Variants in P4HA1 observed in about 807,000 individuals in gnomAD.
P4HA1 encodes the protein prolyl 4-hydroxylase subunit alpha 1.
Under a neutral mutation model 72.8 loss-of-function variants are expected in P4HA1, and 24 were observed. That is an observed-to-expected ratio of 0.33 (90% CI 0.24 to 0.46). The LOEUF (loss-of-function observed/expected upper bound fraction) is 0.46, where lower values mean the gene tolerates loss of function less well. Ranked by LOEUF, P4HA1 falls within the 20% of genes least tolerant of loss-of-function variation. P4HA1 has a pLI of 1.00. For missense variants in P4HA1, 446 were observed against 640.6 expected (o/e 0.70, Z 3.28); for synonymous variants, 201 against 218.8 (o/e 0.92, Z 0.72).
chr10:73,070,953 G>A (rs1013375769), intron 4 of P4HA1, among the ~76,000 whole-genome samples: 2 of 152,056 alleles, frequency 1.3e-5, no homozygotes, highest in African/African-American at 4.8e-5. Context: ...AGGCTGAGGT[G>A]GAAGGATCAC....
Position 73,010,257 on chromosome 10 carries a change from C to T in P4HA1, c.1438-354G>A, listed in dbSNP as rs192682290. Among the ~76,000 whole-genome samples, 380 of 152,216 alleles carry T rather than the reference C, an allele frequency of 2.5e-3. 1 individual carries two copies. Among genetic ancestry groups the T allele is most frequent in the African/African-American group, 8.7e-3 (361 of 41,538 alleles). ...TGCTGGGATTACAGACGTGAGCCAC[C>T]GTGCCCGGCCGTTTTCAGCAGTAAT... is the stretch of plus-strand genomic sequence containing the variant. On this transcript the variant is annotated intron_variant, in intron 13 of 14. Coordinates refer to ENST00000394890, the MANE Select transcript of P4HA1 (RefSeq NM_001017962.3).
intron 5 of P4HA1, among the ~76,000 whole-genome samples, chr10:73,066,569 G>A (rs1841428063): frequency 6.6e-6 from 1 of 152,136 alleles, no homozygotes; most frequent in Non-Finnish European, 1.5e-5. Context: ...CCAGGTTGGA[G>A]TGTAGTGGCG....
At chr10:73,017,491 A>C (rs1013262386) in intron 10 of P4HA1, among the ~76,000 whole-genome samples, 1 of 152,068 alleles carries the variant, frequency 6.6e-6, no homozygotes, top group Non-Finnish European at 1.5e-5. Context: ...AATTTTTAAA[A>C]ATTTAATACA....
intron 6 of P4HA1, 56 bp from the exon 7 acceptor site, chr10:73,051,305 C>G: frequency 1.1e-6 from 1 of 913,890 alleles, no homozygotes; most frequent in Non-Finnish European, 1.7e-6. Flanking sequence ...GTTCAAGCAT[C>G]AGAATATAGT....
chr10:73,029,438 T>A (rs1464699357), intron 10 of P4HA1, among the ~76,000 whole-genome samples: 17 of 142,030 alleles, frequency 1.2e-4, no homozygotes, highest in Admixed American at 4.9e-4. Flanking sequence ...AAAAAAAAAA[T>A]TGCAACCAGA....
chr10:73,057,852 T>C (rs959261365), intron 5 of P4HA1, among the ~76,000 whole-genome samples: 3 of 151,356 alleles, frequency 2.0e-5, no homozygotes, highest in Non-Finnish European at 4.4e-5. Flanking sequence ...TTTGAGCACT[T>C]TGGGAGGCAG....
At chr10:73,062,191 G>A (rs1474776514) in intron 5 of P4HA1, among the ~76,000 whole-genome samples, 2 of 152,126 alleles carry the variant, frequency 1.3e-5, no homozygotes, top group Non-Finnish European at 2.9e-5. Context: ...TAAAACGTCT[G>A]GAGCTTGGTG....
chr10:73,064,796 C>T (rs950466860), intron 5 of P4HA1, among the ~76,000 whole-genome samples: 7 of 147,946 alleles, frequency 4.7e-5, no homozygotes, highest in African/African-American at 1.2e-4. Context: ...AGCCGAGCTG[C>T]GCCACTGCAC....
Position 73,075,667 on chromosome 10 carries a change from T to C in P4HA1, c.-32-752A>G, listed in dbSNP as rs563807065. Among the ~76,000 whole-genome samples the C allele has an allele frequency of 1.8e-3, 272 of 152,100 alleles. 3 individuals carry two copies. The highest frequency in any genetic ancestry group is 6.2e-3 in the African/African-American group (258 of 41,508). ...TAGAATACATTTTAAAGGAAAAATA[T>C]TTCAGAGCTTTCTGTTAATCCTTAA... is the stretch of plus-strand genomic sequence containing the variant. On this transcript the variant is annotated intron_variant, in intron 1 of 14. Transcript: ENST00000394890.
chr10:73,057,114 G>C (rs773673737), intron 5 of P4HA1, among the ~76,000 whole-genome samples: 2 of 151,090 alleles, frequency 1.3e-5, no homozygotes, highest in Admixed American at 6.6e-5. Flanking sequence ...AATAAATCCA[G>C]CAGAGAGAGC....
intron 3 of P4HA1, 107 bp from the exon 4 acceptor site, chr10:73,072,287 T>C (rs1413931576): frequency 3.7e-6 from 3 of 803,486 alleles, no homozygotes; most frequent in Non-Finnish European, 5.9e-6. Flanking sequence ...AGTTCAACTA[T>C]ATCTGTAGTT....
rs897341348 is a variant in P4HA1, at chr10:73,029,148, G to A, written c.1248+1123C>T. 5.3e-5 allele frequency among the ~76,000 whole-genome samples: 8 copies of A among 150,878 alleles called. No homozygotes were observed. In the East Asian group the frequency reaches 1.0e-3, roughly 19 times the overall value. On this transcript the variant is annotated intron_variant, in intron 10 of 14. Transcript: ENST00000394890. ...AACCAGGCCAGGCACAGTGCCTCACGCCTGTGTAATCCCAGCACTTTGGGA... is the reference window on the plus strand; with the variant it reads ...AACCAGGCCAGGCACAGTGCCTCACACCTGTGTAATCCCAGCACTTTGGGA...
chr10:73,060,655 G>GA (rs997570532), intron 5 of P4HA1, among the ~76,000 whole-genome samples: 80 of 151,700 alleles, frequency 5.3e-4, no homozygotes, highest in African/African-American at 1.9e-3. Context: ...TAGAAACCTG[G>GA]AAAAAAAACT....
rs1564624923 is a variant in P4HA1, at chr10:73,037,556, TATA to T, written c.1149-7189_1149-7187del. Reference sequence around the variant, plus strand: ...ATATATATATATATATATATATATATATATATATATATATATTTTTTTTTTTTT... The same window carrying T: ...ATATATATATATATATATATATATATTATATATATATATTTTTTTTTTTTT... On this transcript the variant is annotated intron_variant, in intron 9 of 14. Transcript: ENST00000394890. Among the ~76,000 whole-genome samples, 68 of 35,398 alleles carry T rather than the reference TATA, an allele frequency of 1.9e-3. 2 individuals carry two copies. The highest frequency in any genetic ancestry group is 8.0e-3 in the African/African-American group (68 of 8,488). The allele number at this position is 35,398 out of a possible 152,430, so 23.2% of individuals were successfully genotyped here. A position where few individuals can be genotyped will look rare whatever the true frequency, so the allele number is the denominator to read the frequency against.
intron 11 of P4HA1, among the ~76,000 whole-genome samples, chr10:73,015,086 C>G (rs1461681824): frequency 2.0e-5 from 3 of 152,086 alleles, no homozygotes; most frequent in African/African-American, 7.2e-5. Flanking sequence ...CCACCTTGGC[C>G]TCCCAAAGTG....
intron 10 of P4HA1, 21 bp downstream of exon 10, chr10:73,030,250 A>C: frequency 7.9e-7 from 1 of 1,268,510 alleles, no homozygotes; most frequent in Non-Finnish European, 1.1e-6. Flanking sequence ...AAAATGACTT[A>C]AGGATAATGT....
intron 9 of P4HA1, 104 bp downstream of exon 9, chr10:73,044,877 G>A: frequency 1.2e-6 from 1 of 841,322 alleles, no homozygotes; most frequent in Admixed American, 2.2e-5. Flanking sequence ...GTGGTGACTT[G>A]AGCTGGTGAC....
chr10:73,016,827 C>A lies in P4HA1; in HGVS notation c.1302+19G>T. 6.3e-7 allele frequency: 1 copy of A among 1,575,528 alleles called. No individual in the cohort carries two copies. Among genetic ancestry groups the A allele is most frequent in the South Asian group, 1.1e-5 (1 of 90,134 alleles). On this transcript the variant is annotated intron_variant, in intron 11 of 14. Transcript: ENST00000394890. ...AATGCATAAGCCTCAGTGAATTTCT[C>A]CATTTCTTTTTCACTTACCCGTGCA...
chr10:73,047,318 G>A (rs1234767479), intron 7 of P4HA1, among the ~76,000 whole-genome samples: 2 of 151,832 alleles, frequency 1.3e-5, no homozygotes, highest in African/African-American at 4.8e-5. Context: ...TGAGAGAGGC[G>A]AGGTCTTAAA....
Sources: allele counts gnomAD v4.1 joint callset (sites outside exome capture counted in the v4.1 genomes callset), GRCh38; gene constraint gnomAD v4.1.1; transcripts MANE v1.5; gene names NCBI Gene and HGNC (gene_info 2026-07-23, HGNC 2026-07-21).